MCF2: variants seen among roughly 807,000 people sequenced by gnomAD.
MCF2 encodes MCF.2 cell line derived transforming sequence.
In MCF2, 44 loss-of-function variants were observed where a neutral mutation model predicts 82.5. The ratio of observed to expected loss-of-function variants is 0.53; its 90% CI spans 0.42 to 0.69. The LOEUF (loss-of-function observed/expected upper bound fraction) is 0.69. MCF2 is among the 30% of genes least tolerant of loss of function. The pLI is 0.00. For missense variants in MCF2, 623 were observed against 663.1 expected (o/e 0.94, Z 0.66); for synonymous variants, 217 against 224.9 (o/e 0.96, Z 0.32).
intron 1 of MCF2, among the ~76,000 whole-genome samples, chrX:139,667,508 G>T (rs1420001969): frequency 1.8e-5 from 2 of 111,699 alleles, no homozygotes; most frequent in African/African-American, 3.3e-5. Context: ...GGTGGTAGTA[G>T]CCAGGAGTTT....
At chrX:139,690,825 G>A (rs113375846) in intron 1 of MCF2, among the ~76,000 whole-genome samples, 390 of 111,887 alleles carry the variant, frequency 3.5e-3, no homozygotes, top group Middle Eastern at 0.014. Flanking sequence ...TGGGTGCACA[G>A]GAAGGCGCGC....
chrX:139,584,764 C>T (rs1232532927), intron 24 of MCF2, among the ~76,000 whole-genome samples: 3 of 111,399 alleles, frequency 2.7e-5, no homozygotes, highest in African/African-American at 9.8e-5. Context: ...ATTTCACATG[C>T]CTGGATGGAA....
intron 2 of MCF2, 24 bp downstream of exon 5, chrX:139,632,311 A>G (rs934792467): frequency 8.7e-7 from 1 of 1,155,981 alleles, no homozygotes; most frequent in Non-Finnish European, 1.2e-6. Context: ...AGAGGAACAA[A>G]ACATTTAAAT....
chrX:139,602,505 T>C lies in MCF2; in HGVS notation c.1744-7A>G. 1 of 1,118,597 alleles carries C rather than the reference T, an allele frequency of 8.9e-7. No homozygotes were observed. The highest frequency in any genetic ancestry group is 1.2e-6 in the Non-Finnish European group (1 of 814,953). 92.2% of individuals were successfully genotyped at this position (1,118,597 alleles called of 1,213,427 possible). The stretch of plus-strand genomic sequence containing the variant: ...ACATCTGAAAATCATCCTTCTGTGA[T>C]AAAAAACAAATTCAAATGTATTACT... On this transcript the variant is annotated splice_region_variant and splice_polypyrimidine_tract_variant and intron_variant, in intron 15 of 24. Coordinates refer to ENST00000370576, the Ensembl canonical transcript of MCF2.
chrX:139,597,351 T>A, intron 18 of MCF2, 109 bp downstream of exon 22: 2 of 597,676 alleles, frequency 3.3e-6, no homozygotes, highest in Admixed American at 4.9e-5. Context: ...CATTTTGATC[T>A]CCAGTTATCT....
intron 10 of MCF2, among the ~76,000 whole-genome samples, chrX:139,612,541 A>G (rs868397061): frequency 2.1e-4 from 21 of 102,397 alleles, no homozygotes; most frequent in South Asian, 4.0e-4. Context: ...ATGCAAAAAG[A>G]AAAAAAAAAA....
intron 17 of MCF2, 86 bp from the exon 22 acceptor site, chrX:139,597,671 C>G: frequency 1.3e-6 from 1 of 760,832 alleles, no homozygotes; most frequent in Non-Finnish European, 1.9e-6. Context: ...TGCTTTCAAG[C>G]TGGAATCCAA....
chrX:139,661,569 A>G (rs1934355999), intron 1 of MCF2, among the ~76,000 whole-genome samples: 1 of 111,764 alleles, frequency 8.9e-6, no homozygotes, highest in African/African-American at 3.2e-5. Context: ...AGTAGGAGGA[A>G]GGCTCTCTCT....
intron 15 of MCF2, 42 bp downstream of exon 19, chrX:139,604,639 G>T: frequency 1.2e-6 from 1 of 850,948 alleles, no homozygotes; most frequent in Admixed American, 3.2e-5. Flanking sequence ...TGCTATTTTG[G>T]TGGTGCATAT....
At chrX:139,635,029 G>A (rs1191746433) in intron 1 of MCF2, among the ~76,000 whole-genome samples, 3 of 111,674 alleles carry the variant, frequency 2.7e-5, no homozygotes, top group Non-Finnish European at 5.6e-5. Flanking sequence ...CCAGGAAGTT[G>A]AGCCTGCAGT....
At chrX:139,612,262 G>T (rs1157948256) in intron 10 of MCF2, among the ~76,000 whole-genome samples, 1 of 110,562 alleles carries the variant, frequency 9.0e-6, no homozygotes, top group Non-Finnish European at 1.9e-5. Flanking sequence ...AAAGATTGCA[G>T]GAGAGATGAG....
chrX:139,627,192 G>A (rs1402489638), intron 4 of MCF2, among the ~76,000 whole-genome samples: 3 of 111,658 alleles, frequency 2.7e-5, no homozygotes, highest in East Asian at 2.8e-4. Flanking sequence ...TCAGGCTCCC[G>A]CGTAGCAGGG....
At chrX:139,633,801 G>A (rs1402601216) in intron 1 of MCF2, among the ~76,000 whole-genome samples, 1 of 111,470 alleles carries the variant, frequency 9.0e-6, no homozygotes, top group Non-Finnish European at 1.9e-5. Context: ...GAGCTAGGAG[G>A]CTGGTACAGT....
At chrX:139,633,121 C>T (rs1031949420) in intron 1 of MCF2, among the ~76,000 whole-genome samples, 2 of 111,187 alleles carry the variant, frequency 1.8e-5, no homozygotes, top group Non-Finnish European at 3.8e-5. Flanking sequence ...ACAAACTCTC[C>T]GAGACATAGG....
chrX:139,602,111 G>T (rs1930597957), intron 16 of MCF2, among the ~76,000 whole-genome samples: 1 of 110,977 alleles, frequency 9.0e-6, no homozygotes, highest in African/African-American at 3.3e-5. Flanking sequence ...GTGGGTGGAG[G>T]GGCGTGAAAG....
intron 24 of MCF2, among the ~76,000 whole-genome samples, chrX:139,583,697 C>T (rs1302333462): frequency 6.3e-5 from 7 of 111,429 alleles, no homozygotes; most frequent in African/African-American, 2.3e-4. Context: ...CAAATCTCAG[C>T]ATCACGCAGT....
At chrX:139,590,152 G>A (rs1929373577) in intron 19 of MCF2, among the ~76,000 whole-genome samples, 1 of 111,007 alleles carries the variant, frequency 9.0e-6, no homozygotes, top group Non-Finnish European at 1.9e-5. Context: ...TCATTTCAGT[G>A]GTTGACACAA....
At chrX:139,582,433 C>A (rs1359991488) in exon 25 of MCF2, 2 of 1,201,220 alleles carry the variant, frequency 1.7e-6, no homozygotes, top group African/African-American at 3.5e-5. Flanking sequence ...GAGAAGCAGG[C>A]AGGAAAGAGC....
In MCF2 at chrX:139,632,470, A is replaced by G; in HGVS notation, c.52-16T>C. 1 of 1,188,544 alleles carries G rather than the reference A, an allele frequency of 8.4e-7. No individual in the cohort carries two copies. Among genetic ancestry groups the G allele is most frequent in the South Asian group, 1.9e-5 (1 of 52,041 alleles). ...GGAAGGAAGCCTGTAGAAAGAAAGA[A>G]CAAAAGAAATTGGAAAAAAAATTGT... On this transcript the variant is annotated splice_polypyrimidine_tract_variant and intron_variant, in intron 1 of 24. Transcript: ENST00000370576.
Sources: gnomAD v4.1 joint callset for allele counts (sites outside exome capture counted in the v4.1 genomes callset) on GRCh38, gnomAD v4.1.1 for gene constraint, MANE v1.5 for transcripts, NCBI Gene and HGNC (gene_info 2026-07-23, HGNC 2026-07-21) for gene names.